The following WDR25 variants were observed in gnomAD, a reference collection of about 807,000 sequenced individuals.
The protein encoded by WDR25 is WD repeat domain 25.
A neutral mutation model predicts 47.7 loss-of-function variants in WDR25; 35 were observed. The ratio of observed to expected loss-of-function variants is 0.73; its 90% CI spans 0.56 to 0.97. The LOEUF (loss-of-function observed/expected upper bound fraction) is 0.97, where lower values mean the gene tolerates loss of function less well. WDR25 is among the 50% of genes least tolerant of loss of function. The pLI is 0.00. For missense variants in WDR25, 634 were observed against 704.7 expected, an observed-to-expected ratio of 0.90 and a Z score of 1.14; for synonymous variants, 248 against 278.9, an observed-to-expected ratio of 0.89 and a Z score of 1.10.
At chr14:100,429,989 T>C (rs1409246376) in intron 2 of WDR25, among the ~76,000 whole-genome samples, 1 of 152,026 alleles carries the variant, frequency 6.6e-6, no homozygotes, top group Non-Finnish European at 1.5e-5. Flanking sequence ...CTTCAACATA[T>C]GAATTTTGGG....
At chr14:100,467,725 G>A (rs1453417680) in intron 2 of WDR25, among the ~76,000 whole-genome samples, 4 of 151,988 alleles carry the variant, frequency 2.6e-5, no homozygotes, top group Non-Finnish European at 4.4e-5. Context: ...AGCTCAAATA[G>A]TCTGCCCACC....
chr14:100,497,685 T>G (rs548449989), intron 4 of WDR25, among the ~76,000 whole-genome samples: 10 of 152,268 alleles, frequency 6.6e-5, no homozygotes, highest in African/African-American at 2.2e-4. Flanking sequence ...CAATTTAGCC[T>G]CAGGTCGATT....
rs761822424 is a variant in WDR25 at position 100,498,085 on chromosome 14, A to G, written c.1101+13961A>G. On this transcript the variant is annotated intron_variant, in intron 4 of 6. Coordinates refer to ENST00000402312, the MANE Select transcript of WDR25 (RefSeq NM_001161476.3). The surrounding 1 kb of genome is among the most constrained non-coding windows in gnomAD (Gnocchi z 4.2). The stretch of plus-strand genomic sequence containing the variant: ...ACTTTAGGAAAGTTTGTGCAATTCA[A>G]TTTGTGCCCCAACAAATAGATTCCC... 2.6e-5 allele frequency among the ~76,000 whole-genome samples: 4 copies of G among 152,232 alleles called. No homozygotes were observed. Among genetic ancestry groups the G allele is most frequent in the Non-Finnish European group, 5.9e-5 (4 of 68,042 alleles).
intron 2 of WDR25, among the ~76,000 whole-genome samples, chr14:100,443,835 A>G (rs1337687642): frequency 1.3e-5 from 2 of 152,232 alleles, no homozygotes; most frequent in African/African-American, 4.8e-5. Context: ...TGATTGGAGC[A>G]TGAGTAATAA....
At chr14:100,387,448 C>T (rs995955582) in intron 2 of WDR25, among the ~76,000 whole-genome samples, 1 of 152,170 alleles carries the variant, frequency 6.6e-6, no homozygotes, top group Non-Finnish European at 1.5e-5. Context: ...GTACTGAACA[C>T]TTGGCAGGTC....
At chr14:100,400,373 C>T (rs1897349222) in intron 2 of WDR25, among the ~76,000 whole-genome samples, 1 of 152,206 alleles carries the variant, frequency 6.6e-6, no homozygotes, top group African/African-American at 2.4e-5. Context: ...ATGATGGTGG[C>T]AGCCTTGCTG....
intron 2 of WDR25, among the ~76,000 whole-genome samples, chr14:100,464,755 CATCTCATCT>C (rs777219207): frequency 2.1e-4 from 3 of 14,284 alleles, no homozygotes; most frequent in African/African-American, 5.4e-4. Flanking sequence ...CATCTCATCT[CATCTCATCT>C]CATCTCATCT....
intron 2 of WDR25, among the ~76,000 whole-genome samples, chr14:100,459,110 A>G (rs1899294784): frequency 6.6e-6 from 1 of 152,206 alleles, no homozygotes; most frequent in African/African-American, 2.4e-5. Context: ...CTTTGAGACC[A>G]ATGAAAGGTA....
At chr14:100,411,298 T>C (rs1897700715) in intron 2 of WDR25, among the ~76,000 whole-genome samples, 1 of 151,968 alleles carries the variant, frequency 6.6e-6, no homozygotes. Context: ...ACAGAGAAAA[T>C]AGTACAGAGG....
rs145428603 is a variant in WDR25, at chr14:100,465,972, G to A, written c.823-2049G>A. ...ACTTCGTATATGCAGCTTGACTTAT[G>A]TACTTAATATTAACTTTTTTACCAT... On this transcript the variant is annotated intron_variant, in intron 2 of 6. Coordinates refer to ENST00000402312, the MANE Select transcript of WDR25 (RefSeq NM_001161476.3). Among the ~76,000 whole-genome samples the A allele has an allele frequency of 9.0e-3, 1,376 of 152,292 alleles. 26 individuals carry two copies. The highest frequency in any genetic ancestry group is 0.031 in the African/African-American group (1,288 of 41,552).
intron 2 of WDR25, among the ~76,000 whole-genome samples, chr14:100,410,620 G>A (rs962164745): frequency 1.3e-5 from 2 of 152,090 alleles, no homozygotes; most frequent in East Asian, 1.9e-4. Flanking sequence ...GACAGCCCGT[G>A]CCGAGGCTGA....
intron 2 of WDR25, among the ~76,000 whole-genome samples, chr14:100,437,877 G>A (rs1472568415): frequency 6.6e-6 from 1 of 152,064 alleles, no homozygotes. Context: ...GGATGCTAAG[G>A]GGTTCAAGGA....
At position 100,525,683 on chromosome 14, in the gene WDR25, G is replaced by T. The variant is rs1228733224; in HGVS notation, c.1102-187G>T. The stretch of plus-strand genomic sequence containing the variant: ...GGGGGCTGAGAAGCTGACAGACACT[G>T]GACTGGGCATGGGGCAGGAGGGTCC... On this transcript the variant is annotated intron_variant, in intron 4 of 6. Transcript: ENST00000402312. The surrounding 1 kb of genome is among the most constrained non-coding windows in gnomAD (Gnocchi z 4.6). Among the ~76,000 whole-genome samples the T allele has an allele frequency of 1.3e-5, 2 of 152,272 alleles. No individual in the cohort carries two copies. Among genetic ancestry groups the T allele is most frequent in the East Asian group, 3.9e-4 (2 of 5,194 alleles).
chr14:100,486,931 A>C (rs1427420558), intron 4 of WDR25, among the ~76,000 whole-genome samples: 1 of 152,150 alleles, frequency 6.6e-6, no homozygotes, highest in East Asian at 1.9e-4. Flanking sequence ...GAGGAGGGGG[A>C]GTCCAAGCAG....
At chr14:100,454,394 G>A (rs1036648097) in intron 2 of WDR25, 1 of 1,287,260 alleles carries the variant, frequency 7.8e-7, no homozygotes, top group Admixed American at 2.3e-5. Context: ...GAGGTGGGGT[G>A]AAGTGTTACT....
chr14:100,427,601 C>T (rs1376983825), intron 2 of WDR25, among the ~76,000 whole-genome samples: 1 of 152,144 alleles, frequency 6.6e-6, no homozygotes, highest in East Asian at 1.9e-4. Flanking sequence ...CCGGGGGTGA[C>T]GTGTGGGTGA....
chr14:100,509,479 A>G (rs1409746687), intron 4 of WDR25, among the ~76,000 whole-genome samples: 1 of 152,154 alleles, frequency 6.6e-6, no homozygotes, highest in Non-Finnish European at 1.5e-5. Context: ...CATTTCTTAT[A>G]ATACAGGTTT....
chr14:100,376,500 G>T lies in WDR25; in HGVS notation c.-16+5G>T. The T allele has an allele frequency of 8.1e-7, 1 of 1,231,796 alleles. No homozygotes were observed. The highest frequency in any genetic ancestry group is 1.0e-6 in the Non-Finnish European group (1 of 988,024). 76.3% of individuals were successfully genotyped at this position (1,231,796 alleles called of 1,614,324 possible). On this transcript the variant is annotated splice_donor_5th_base_variant and intron_variant, in intron 1 of 6. Coordinates refer to ENST00000402312, the MANE Select transcript of WDR25 (RefSeq NM_001161476.3). ...CGGGAGAACCGAGCGCTTCCGGTGC[G>T]TGTGGTGAGCGGCGGGCCCCGGGCT...
Position 100,488,376 on chromosome 14 carries a change from T to G in WDR25, c.1101+4252T>G, listed in dbSNP as rs964246813. Among the ~76,000 whole-genome samples the G allele has an allele frequency of 6.6e-6, 1 of 152,086 alleles. No individual in the cohort carries two copies. The highest frequency in any genetic ancestry group is 1.5e-5 in the Non-Finnish European group (1 of 68,022). Reference sequence around the variant, plus strand: ...TCTGACCTTTATAGTATTGTGAGGGTCAATTTCTGCAGAAGCCCCTGAGCC... The same window carrying G: ...TCTGACCTTTATAGTATTGTGAGGGGCAATTTCTGCAGAAGCCCCTGAGCC... On this transcript the variant is annotated intron_variant, in intron 4 of 6. Coordinates refer to ENST00000402312, the MANE Select transcript of WDR25 (RefSeq NM_001161476.3). The surrounding 1 kb of genome is among the most constrained non-coding windows in gnomAD (Gnocchi z 4.2).
Sources: gnomAD v4.1 joint callset for allele counts (sites outside exome capture counted in the v4.1 genomes callset) on GRCh38, gnomAD v4.1.1 for gene constraint, Gnocchi (gnomAD v3.1) non-coding constraint, MANE v1.5 for transcripts, NCBI Gene and HGNC (gene_info 2026-07-23, HGNC 2026-07-21) for gene names.